The following MEMO1 variants were observed in gnomAD, a reference collection of about 807,000 sequenced individuals.
MEMO1 encodes mediator of cell motility 1.
MEMO1 carries 6 observed loss-of-function variants against 45.2 expected under a neutral mutation model. The observed-to-expected ratio is 0.13, with a 90% CI of 0.07 to 0.26. The LOEUF is 0.26. Among genes scored for constraint, MEMO1 ranks in the 10% least tolerant of loss-of-function variants. MEMO1 has a pLI of 1.00. For missense variants in MEMO1, 184 were observed against 370.5 expected (o/e 0.50, Z 4.13); for synonymous variants, 78 against 124.3 (o/e 0.63, Z 2.48).
At chr2:31,987,002 G>A (rs868004013) in intron 2 of MEMO1, among the ~76,000 whole-genome samples, 7 of 152,078 alleles carry the variant, frequency 4.6e-5, no homozygotes, top group Non-Finnish European at 8.8e-5. Context: ...AACAATGGCC[G>A]AAGTTTTCTG....
intron 6 of MEMO1, among the ~76,000 whole-genome samples, chr2:31,903,341 A>C (rs865985138): frequency 1.6e-5 from 2 of 123,190 alleles, no homozygotes; most frequent in Middle Eastern, 5.3e-3. Context: ...TAAGGTGCCA[A>C]GGTTGTTGTC....
Position 31,957,555 on chromosome 2 carries a change from C to CA in MEMO1, c.62-14173dup, listed in dbSNP as rs558945774. Among the ~76,000 whole-genome samples the CA allele has an allele frequency of 6.4e-3, 969 of 152,178 alleles. 5 individuals carry two copies. Among genetic ancestry groups the CA allele is most frequent in the South Asian group, 0.025 (121 of 4,818 alleles). On this transcript the variant is annotated intron_variant, in intron 2 of 9. Transcript: ENST00000404530. ...CAATGTGACCAAGTTTCCCTATTAG[C>CA]AAAAAGGAACTTCCTCCTTTTACTT...
intron 2 of MEMO1, among the ~76,000 whole-genome samples, chr2:31,966,499 G>A (rs1386724506): frequency 3.3e-5 from 5 of 152,302 alleles, no homozygotes; most frequent in Admixed American, 2.6e-4. Flanking sequence ...GGGAGGCCAA[G>A]GCAGGGGGAT....
In MEMO1 at chr2:32,010,230, G is replaced by C; in HGVS notation, c.18C>G (p.Val6=). The C allele has an allele frequency of 2.0e-6, 3 of 1,510,848 alleles. No homozygotes were observed. The highest frequency in any genetic ancestry group is 2.5e-5 in the South Asian group (2 of 81,246). The allele number at this position is 1,510,848 out of a possible 1,614,324, so 93.6% of individuals were successfully genotyped here. Residue 6 remains valine (V), a synonymous_variant, in exon 2 of 10, where the codon GTC becomes GTG. Coordinates refer to ENST00000404530, the MANE Select transcript of MEMO1 (RefSeq NM_001301833.4). MSNRV[V]CREASHAGSW... The stretch of plus-strand genomic sequence containing the variant: ...TCCCGGCGTGACTGGCTTCTCGGCA[G>C]ACCACTCGGTTGGACATCTTGGTGC...
chr2:31,919,667 T>G (rs1407120800), intron 5 of MEMO1, among the ~76,000 whole-genome samples: 1 of 151,810 alleles, frequency 6.6e-6, no homozygotes, highest in East Asian at 1.9e-4. Flanking sequence ...AAAAAAAATA[T>G]TTTTAATTAA....
chr2:31,910,032 A>G (rs997757758), intron 6 of MEMO1, among the ~76,000 whole-genome samples: 5 of 152,134 alleles, frequency 3.3e-5, no homozygotes, highest in Admixed American at 6.5e-5. Context: ...GATAAAAATG[A>G]TAAGAAACAT....
At chr2:31,954,296 A>T (rs1478301954) in intron 2 of MEMO1, among the ~76,000 whole-genome samples, 1 of 152,170 alleles carries the variant, frequency 6.6e-6, no homozygotes, top group Non-Finnish European at 1.5e-5. Context: ...AGAAATCATA[A>T]TTCTTGGCCA....
chr2:31,988,957 A>C (rs1010606504), intron 2 of MEMO1, among the ~76,000 whole-genome samples: 1 of 152,212 alleles, frequency 6.6e-6, no homozygotes, highest in Non-Finnish European at 1.5e-5. Context: ...CTGTAATCCC[A>C]GCACTTTGAG....
intron 7 of MEMO1, among the ~76,000 whole-genome samples, chr2:31,884,732 C>T (rs536689110): frequency 3.3e-5 from 5 of 152,222 alleles, no homozygotes; most frequent in African/African-American, 7.2e-5. Context: ...TTTAACTTTT[C>T]GTATACAGTA....
At chr2:31,958,095 T>C (rs1038783427) in intron 2 of MEMO1, among the ~76,000 whole-genome samples, 1 of 151,584 alleles carries the variant, frequency 6.6e-6, no homozygotes, top group Admixed American at 6.6e-5. Context: ...TGCAGGGGAA[T>C]AAAAAAAGGT....
chr2:31,986,481 T>A (rs143064507), intron 2 of MEMO1, among the ~76,000 whole-genome samples: 587 of 151,972 alleles, frequency 3.9e-3, no homozygotes, highest in African/African-American at 0.013. Flanking sequence ...CAAAAAAAAA[T>A]AATAATAATA....
At chr2:31,919,002 A>G (rs1681880944) in intron 5 of MEMO1, among the ~76,000 whole-genome samples, 1 of 152,156 alleles carries the variant, frequency 6.6e-6, no homozygotes, top group South Asian at 2.1e-4. Flanking sequence ...TTCATTAATA[A>G]GACGCATTAA....
At chr2:31,993,945 C>CTTTTTTTTTTT (rs1558562652) in intron 2 of MEMO1, among the ~76,000 whole-genome samples, 5 of 124,580 alleles carry the variant, frequency 4.0e-5, no homozygotes, top group African/African-American at 1.5e-4. Flanking sequence ...ATCATCAATA[C>CTTTTTTTTTTT]TTTCTTTTTT....
intron 6 of MEMO1, among the ~76,000 whole-genome samples, chr2:31,904,100 T>C (rs183641436): frequency 4.9e-4 from 75 of 152,334 alleles, no homozygotes; most frequent in East Asian, 4.4e-3. Context: ...AATGGCAATA[T>C]GGTAGCCTGT....
intron 6 of MEMO1, among the ~76,000 whole-genome samples, chr2:31,904,626 G>A (rs1679400498): frequency 6.6e-6 from 1 of 152,180 alleles, no homozygotes. Context: ...CTCACAGGAG[G>A]CGGAACTCAG....
At chr2:31,884,470 T>C (rs550940419) in intron 7 of MEMO1, among the ~76,000 whole-genome samples, 1 of 152,316 alleles carries the variant, frequency 6.6e-6, no homozygotes, top group South Asian at 2.1e-4. Context: ...AATGTTGATA[T>C]ATCCAGTTAC....
At chr2:31,961,174 A>G (rs1667965845) in intron 2 of MEMO1, among the ~76,000 whole-genome samples, 2 of 152,012 alleles carry the variant, frequency 1.3e-5, no homozygotes, top group South Asian at 2.1e-4. Context: ...CCTGGCCAAC[A>G]TGGGGAATCC....
Position 31,943,154 on chromosome 2 carries a change from G to A in MEMO1, c.143+148C>T, listed in dbSNP as rs558155280. On this transcript the variant is annotated intron_variant, in intron 3 of 9. Coordinates refer to ENST00000404530, the MANE Select transcript of MEMO1 (RefSeq NM_001301833.4). ...GTGGCACACGCCTGTAGTCCCAACT[G>A]CTCAGGAGGTTGAGGCAGGAGAGTC... 67 of 661,944 alleles carry A rather than the reference G, an allele frequency of 1.0e-4. 1 individual carries two copies. In the South Asian group the frequency reaches 1.0e-3, roughly 10 times the overall value. 41.0% of individuals were successfully genotyped at this position (661,944 alleles called of 1,614,324 possible).
intron 4 of MEMO1, chr2:31,923,807 T>C (rs2148194803): frequency 1.4e-6 from 2 of 1,468,406 alleles, no homozygotes; most frequent in East Asian, 5.2e-5. Flanking sequence ...ATAAATTTCC[T>C]AAGTAAGTGT....
Sources: allele counts gnomAD v4.1 joint callset (sites outside exome capture counted in the v4.1 genomes callset), GRCh38; gene constraint gnomAD v4.1.1; transcripts MANE v1.5; gene names NCBI Gene and HGNC (gene_info 2026-07-23, HGNC 2026-07-21).